The following PPP4R2 variants were observed in gnomAD, a reference collection of about 807,000 sequenced individuals.
PPP4R2 encodes the protein protein phosphatase 4 regulatory subunit 2, also known as serine/threonine-protein phosphatase 4 regulatory subunit 2.
A neutral mutation model predicts 47.2 loss-of-function variants in PPP4R2; 13 were observed. The observed-to-expected ratio is 0.28, with a 90% CI of 0.18 to 0.44. The LOEUF is 0.44. Ranked by LOEUF, PPP4R2 falls within the 20% of genes least tolerant of loss-of-function variation. The probability of loss-of-function intolerance (pLI) is 1.00; values close to 1 mark genes in which losing one functional copy is unlikely to be tolerated. For missense variants in PPP4R2, 421 were observed against 491.2 expected, an observed-to-expected ratio of 0.86 and a Z score of 1.35; for synonymous variants, 151 against 163.3, an observed-to-expected ratio of 0.92 and a Z score of 0.57.
intron 2 of PPP4R2, among the ~76,000 whole-genome samples, chr3:73,024,804 A>T (rs1190598533): frequency 6.6e-6 from 1 of 152,182 alleles, no homozygotes; most frequent in African/African-American, 2.4e-5. Flanking sequence ...TTTGCTTCCA[A>T]GCAGCACAAC....
chr3:73,011,429 C>T (rs1281328957), intron 2 of PPP4R2, among the ~76,000 whole-genome samples: 1 of 152,020 alleles, frequency 6.6e-6, no homozygotes, highest in Non-Finnish European at 1.5e-5. Flanking sequence ...TGCAGTGAGC[C>T]AAGATTGCAC....
chr3:72,997,984 T>G, intron 1 of PPP4R2, 93 bp from the exon 2 acceptor site: 2 of 847,746 alleles, frequency 2.4e-6, no homozygotes, highest in Non-Finnish European at 3.9e-6. Flanking sequence ...TGTATTTAAT[T>G]GATTTTTAAT....
At chr3:73,033,350 T>C (rs1237053819) in intron 2 of PPP4R2, among the ~76,000 whole-genome samples, 1 of 152,232 alleles carries the variant, frequency 6.6e-6, no homozygotes, top group East Asian at 1.9e-4. Flanking sequence ...CCTGGAGTTT[T>C]GTAGAATCTT....
chr3:73,038,502 TCTC>T (rs1468814553), intron 2 of PPP4R2, among the ~76,000 whole-genome samples: 1 of 151,984 alleles, frequency 6.6e-6, no homozygotes, highest in African/African-American at 2.4e-5. Context: ...TTCAAGCAAT[TCTC>T]CTGCCTCAGA....
chr3:73,023,072 CCTTA>C (rs988794652), intron 2 of PPP4R2, among the ~76,000 whole-genome samples: 13 of 152,094 alleles, frequency 8.5e-5, no homozygotes, highest in East Asian at 3.9e-4. Flanking sequence ...AAAATTGCAT[CCTTA>C]CTTTGTGACT....
At chr3:73,017,516 T>C (rs906674617) in intron 2 of PPP4R2, among the ~76,000 whole-genome samples, 6 of 152,056 alleles carry the variant, frequency 3.9e-5, no homozygotes, top group African/African-American at 1.5e-4. Flanking sequence ...CTGCATGCTG[T>C]CCTTGAAAGG....
In PPP4R2 at chr3:73,068,965, CATAAA is replaced by C. The variant is rs1575899785; in HGVS notation, c.*3246_*3250del. On this transcript the variant is annotated 3_prime_UTR_variant, in exon 9 of 9. Transcript: ENST00000356692. Reference sequence around the variant, plus strand: ...GTCAGTTCTCAAGATTTGTGCTAATCATAAAATGAATGAATGCAAAACACCTTGTA... The same window carrying C: ...GTCAGTTCTCAAGATTTGTGCTAATCATGAATGAATGCAAAACACCTTGTA... The C allele has an allele frequency of 6.6e-6, 1 of 152,086 alleles. No homozygotes were observed. Among genetic ancestry groups the C allele is most frequent in the Non-Finnish European group, 1.5e-5 (1 of 68,024 alleles). 9.4% of individuals were successfully genotyped at this position (152,086 alleles called of 1,614,324 possible). A position where few individuals can be genotyped will look rare whatever the true frequency, so the allele number is the denominator to read the frequency against.
intron 2 of PPP4R2, among the ~76,000 whole-genome samples, chr3:73,039,939 A>G (rs931353984): frequency 3.9e-5 from 6 of 152,214 alleles, no homozygotes; most frequent in African/African-American, 9.6e-5. Context: ...CTGTAATCCC[A>G]GCTACTTAGG....
intron 2 of PPP4R2, among the ~76,000 whole-genome samples, chr3:73,019,326 A>T (rs1701912977): frequency 6.6e-6 from 1 of 152,218 alleles, no homozygotes; most frequent in Admixed American, 6.5e-5. Flanking sequence ...ACATCACTGT[A>T]GATGAAAAAC....
intron 3 of PPP4R2, among the ~76,000 whole-genome samples, chr3:73,057,538 CTTTTAGGTTTGGATTCGA>C: frequency 1.3e-5 from 2 of 152,240 alleles, no homozygotes; most frequent in East Asian, 3.9e-4. Flanking sequence ...AGTTTTCTCA[CTTTTAGGTTTGGATTCGA>C]TTTTAGGTTT....
intron 6 of PPP4R2, 95 bp from the exon 7 acceptor site, chr3:73,063,908 C>G: frequency 7.9e-7 from 1 of 1,259,968 alleles, no homozygotes; most frequent in South Asian, 1.4e-5. Context: ...AACAAAGTTG[C>G]AGCAAATACT....
intron 3 of PPP4R2, among the ~76,000 whole-genome samples, chr3:73,047,991 C>T (rs1702520967): frequency 6.6e-6 from 1 of 152,166 alleles, no homozygotes; most frequent in Admixed American, 6.5e-5. Context: ...ATTCTCCTCC[C>T]TCAGCTTCGC....
intron 2 of PPP4R2, among the ~76,000 whole-genome samples, chr3:73,024,712 T>G (rs892649809): frequency 7.9e-5 from 12 of 152,174 alleles, no homozygotes; most frequent in African/African-American, 2.9e-4. Context: ...AGCTCAGATT[T>G]CTGCTTTTAA....
Position 73,063,016 on chromosome 3 carries a change from A to AG in PPP4R2, c.420-656dup, listed in dbSNP as rs1702902861. On this transcript the variant is annotated intron_variant, in intron 5 of 8. Coordinates refer to ENST00000356692, the MANE Select transcript of PPP4R2 (RefSeq NM_174907.4). ...GTGTCTGAGATCCCAGTCTTTGAGG[A>AG]GAAAAAAAACAATGGTTAAAAAGGC... 4.1e-6 allele frequency: 4 copies of AG among 983,584 alleles called. No individual in the cohort carries two copies. The African/African-American group carries it at 5.0e-5, about 12-fold the overall frequency. 60.9% of individuals were successfully genotyped at this position (983,584 alleles called of 1,614,324 possible).
intron 2 of PPP4R2, among the ~76,000 whole-genome samples, chr3:73,023,426 T>G (rs1172364687): frequency 6.6e-6 from 1 of 152,162 alleles, no homozygotes. Flanking sequence ...CCTCAGGTGA[T>G]CCACCCGCCT....
chr3:73,048,980 G>A (rs1222175023), intron 3 of PPP4R2, among the ~76,000 whole-genome samples: 1 of 152,106 alleles, frequency 6.6e-6, no homozygotes, highest in African/African-American at 2.4e-5. Context: ...GTTACCCCTG[G>A]GGGCCTGGGA....
intron 3 of PPP4R2, among the ~76,000 whole-genome samples, chr3:73,050,686 G>A (rs997487545): frequency 1.3e-5 from 2 of 152,170 alleles, no homozygotes; most frequent in African/African-American, 4.8e-5. Context: ...TCCTTTTAGA[G>A]AAGCTTCAAC....
intron 2 of PPP4R2, among the ~76,000 whole-genome samples, chr3:73,043,389 A>C (rs567657324): frequency 6.6e-6 from 1 of 152,210 alleles, no homozygotes; most frequent in Non-Finnish European, 1.5e-5. Context: ...TAATCATGCA[A>C]ATAGCTTTTA....
In PPP4R2 at chr3:73,065,771, A is replaced by C. The variant is rs1436945922; in HGVS notation, c.*49A>C. ...GTATTTTACATACAGTTCTGGTTTT[A>C]ACACTGTATAAAACTTTTGTGTAAT... On this transcript the variant is annotated 3_prime_UTR_variant, in exon 9 of 9. Transcript: ENST00000356692. 7.7e-7 allele frequency: 1 copy of C among 1,305,092 alleles called. No homozygotes were observed. The allele number at this position is 1,305,092 out of a possible 1,614,324, so 80.8% of individuals were successfully genotyped here. A position where few individuals can be genotyped will look rare whatever the true frequency, so the allele number is the denominator to read the frequency against.
Sources: gnomAD v4.1 joint callset for allele counts (sites outside exome capture counted in the v4.1 genomes callset) on GRCh38, gnomAD v4.1.1 for gene constraint, MANE v1.5 for transcripts, NCBI Gene and HGNC (gene_info 2026-07-23, HGNC 2026-07-21) for gene names.